Variants in PCBP3 observed in about 807,000 individuals in gnomAD.
PCBP3 encodes poly(rC) binding protein 3.
In PCBP3, 25 loss-of-function variants were observed where a neutral mutation model predicts 52.7. The observed-to-expected ratio is 0.47, with a 90% CI of 0.35 to 0.66. PCBP3 has a LOEUF of 0.66. Ranked by LOEUF, PCBP3 falls within the 30% of genes least tolerant of loss-of-function variation. PCBP3 has a pLI of 0.01. For missense variants in PCBP3, 391 were observed against 490.3 expected (o/e 0.80, Z 1.91); for synonymous variants, 162 against 183.0 (o/e 0.89, Z 0.93).
intron 4 of PCBP3, among the ~76,000 whole-genome samples, chr21:45,782,491 G>C (rs2090715353): frequency 6.6e-6 from 1 of 152,206 alleles, no homozygotes; most frequent in Non-Finnish European, 1.5e-5. Context: ...CAGTCAGTCT[G>C]TGTTGAAGCA....
intron 4 of PCBP3, among the ~76,000 whole-genome samples, chr21:45,806,251 G>T (rs144194982): frequency 6.6e-6 from 1 of 152,162 alleles, no homozygotes; most frequent in Non-Finnish European, 1.5e-5. Flanking sequence ...CGGCCTTTCC[G>T]CCCTTTGGCC....
chr21:45,901,577 T>C (rs1200014090), intron 9 of PCBP3: 3 of 200,680 alleles, frequency 1.5e-5, no homozygotes, highest in Admixed American at 1.0e-4. Flanking sequence ...TGACAGCTGA[T>C]GTAGCCTTGC....
chr21:45,787,427 A>T (rs924262074), intron 4 of PCBP3, among the ~76,000 whole-genome samples: 4 of 149,854 alleles, frequency 2.7e-5, no homozygotes, highest in South Asian at 2.1e-4. Flanking sequence ...TTTTTTTTTT[A>T]AATAGAGACT....
chr21:45,853,582 C>G lies in PCBP3; in HGVS notation c.10+3487C>G, dbSNP rs58160661. On this transcript the variant is annotated intron_variant, in intron 5 of 17. Coordinates refer to ENST00000681687, the MANE Select transcript of PCBP3 (RefSeq NM_001384156.1). The surrounding 1 kb of genome is among the most constrained non-coding windows in gnomAD (Gnocchi z 4.6). ...TTTCCATTGGTTACTTGGTGTACACCCCTGTGAATGGAGAGGGTGTTCCTG... is the reference window on the plus strand; with the variant it reads ...TTTCCATTGGTTACTTGGTGTACACGCCTGTGAATGGAGAGGGTGTTCCTG... Among the ~76,000 whole-genome samples, 3,265 of 152,164 alleles carry G rather than the reference C, an allele frequency of 0.021. 133 individuals are homozygous for G. Among genetic ancestry groups the G allele is most frequent in the African/African-American group, 0.073 (3,047 of 41,480 alleles).
chr21:45,771,906 G>T lies in PCBP3; in HGVS notation c.-126+16454G>T, dbSNP rs530458868. ...ATGAGTAAGTTTATCAAGGCTGCAG[G>T]ATGTAAGATCAGCATACAAAAATCA... On this transcript the variant is annotated intron_variant, in intron 4 of 17. Coordinates refer to ENST00000681687, the MANE Select transcript of PCBP3 (RefSeq NM_001384156.1). 3.3e-5 allele frequency among the ~76,000 whole-genome samples: 5 copies of T among 152,238 alleles called. No individual in the cohort carries two copies. In the South Asian group the frequency reaches 1.0e-3, roughly 32 times the overall value.
In PCBP3 at chr21:45,669,805, G is replaced by GTATA. The variant is rs773020402; in HGVS notation, c.-200+891_-200+894dup. 8.0e-3 allele frequency among the ~76,000 whole-genome samples: 398 copies of GTATA among 49,556 alleles called. 7 individuals are homozygous for GTATA. The highest frequency in any genetic ancestry group is 9.8e-3 in the Non-Finnish European group (249 of 25,426). 32.5% of individuals were successfully genotyped at this position (49,556 alleles called of 152,430 possible). ...TATTCCATTGTGTGTGTGTGTGTGT[G>GTATA]TATATATATATATATATATATATAT... On this transcript the variant is annotated intron_variant, in intron 2 of 17. Transcript: ENST00000681687.
intron 1 of PCBP3, among the ~76,000 whole-genome samples, chr21:45,654,219 T>A (rs941089904): frequency 5.9e-5 from 9 of 152,218 alleles, no homozygotes; most frequent in African/African-American, 2.2e-4. Flanking sequence ...GATACTTGTC[T>A]TTTCTTTGCT....
At chr21:45,911,339 C>A in intron 11 of PCBP3, 1 of 378,638 alleles carries the variant, frequency 2.6e-6, no homozygotes, top group Non-Finnish European at 5.1e-6. Flanking sequence ...GGGTCTTCTG[C>A]ACTGAGTTGG....
chr21:45,896,133 G>A (rs957674237), intron 5 of PCBP3, 75 bp from the exon 6 acceptor site: 2 of 1,406,914 alleles, frequency 1.4e-6, no homozygotes, highest in Non-Finnish European at 1.9e-6. Flanking sequence ...CGGAGTGGGA[G>A]CGGCCCAGGA....
chr21:45,764,271 C>T (rs1005060915), intron 4 of PCBP3, among the ~76,000 whole-genome samples: 1 of 152,046 alleles, frequency 6.6e-6, no homozygotes, highest in Non-Finnish European at 1.5e-5. Context: ...TACAGGCATG[C>T]GCCACCACGC....
intron 13 of PCBP3, among the ~76,000 whole-genome samples, chr21:45,925,289 T>TA (rs1226221155): frequency 1.3e-5 from 2 of 152,066 alleles, no homozygotes; most frequent in Non-Finnish European, 2.9e-5. Context: ...ACGCACATGT[T>TA]AAAGTTTCAA....
chr21:45,677,728 A>G lies in PCBP3; in HGVS notation c.-200+8776A>G, dbSNP rs192799219. ...AAGTTGAAGCCAGTGCTCATTTACC[A>G]TTCCAAAACTCTAGGATCCTTAAGA... On this transcript the variant is annotated intron_variant, in intron 2 of 17. Transcript: ENST00000681687. 1.2e-4 allele frequency among the ~76,000 whole-genome samples: 18 copies of G among 152,334 alleles called. No homozygotes were observed. In the East Asian group the frequency reaches 3.3e-3, roughly 28 times the overall value.
chr21:45,714,235 A>G (rs931354948), intron 2 of PCBP3, among the ~76,000 whole-genome samples: 1 of 152,120 alleles, frequency 6.6e-6, no homozygotes, highest in Admixed American at 6.6e-5. Flanking sequence ...TCAACTCCAG[A>G]CTAATTTGTC....
intron 2 of PCBP3, among the ~76,000 whole-genome samples, chr21:45,688,670 A>T (rs1054571066): frequency 1.3e-5 from 2 of 152,142 alleles, no homozygotes; most frequent in African/African-American, 4.8e-5. Context: ...ATATGAAGGC[A>T]TAATCATTGT....
intron 4 of PCBP3, among the ~76,000 whole-genome samples, chr21:45,841,240 C>T (rs980373150): frequency 6.6e-6 from 1 of 150,986 alleles, no homozygotes; most frequent in Admixed American, 6.6e-5. Context: ...GCAGGAATCG[C>T]GGTTGTATGT....
intron 15 of PCBP3, among the ~76,000 whole-genome samples, chr21:45,934,240 G>A (rs1032527445): frequency 1.2e-4 from 18 of 152,180 alleles, no homozygotes; most frequent in Admixed American, 1.1e-3. Context: ...CAAGAACCAC[G>A]TGGGGCCTGC....
intron 11 of PCBP3, 126 bp from the exon 12 acceptor site, chr21:45,913,825 G>T: frequency 4.9e-6 from 4 of 824,708 alleles, no homozygotes; most frequent in South Asian, 3.3e-5. Flanking sequence ...TGCGAAACTC[G>T]GGGAGGTGTG....
chr21:45,856,423 C>T lies in PCBP3; in HGVS notation c.10+6328C>T, dbSNP rs928393341. 2.0e-5 allele frequency among the ~76,000 whole-genome samples: 3 copies of T among 152,350 alleles called. No individual in the cohort carries two copies. The East Asian group carries it at 5.8e-4, about 29-fold the overall frequency. ...AGAGCTTGGATATTTGCCCTACCCA[C>T]ATCTCACATGGAAATGTGATCCCGA... On this transcript the variant is annotated intron_variant, in intron 5 of 17. Coordinates refer to ENST00000681687, the MANE Select transcript of PCBP3 (RefSeq NM_001384156.1).
Position 45,682,532 on chromosome 21 carries a change from A to G in PCBP3, c.-200+13580A>G, listed in dbSNP as rs558125471. Among the ~76,000 whole-genome samples, 7 of 152,318 alleles carry G rather than the reference A, an allele frequency of 4.6e-5. No homozygotes were observed. In the East Asian group the frequency reaches 1.2e-3, roughly 25 times the overall value. On this transcript the variant is annotated intron_variant, in intron 2 of 17. Transcript: ENST00000681687. ...AGTGCACTTATCCACGTGAAGAATAATGGTGGCATATGGCCATAGAGTGAT... is the reference window on the plus strand; with the variant it reads ...AGTGCACTTATCCACGTGAAGAATAGTGGTGGCATATGGCCATAGAGTGAT...
Sources: gnomAD v4.1 joint callset for allele counts (sites outside exome capture counted in the v4.1 genomes callset) on GRCh38, gnomAD v4.1.1 for gene constraint, Gnocchi (gnomAD v3.1) non-coding constraint, MANE v1.5 for transcripts, NCBI Gene and HGNC (gene_info 2026-07-23, HGNC 2026-07-21) for gene names.